SYTL3: variants seen among roughly 807,000 people sequenced by gnomAD.
The protein encoded by SYTL3 is synaptotagmin like 3.
SYTL3 carries 88 observed loss-of-function variants against 82.1 expected under a neutral mutation model. That is an observed-to-expected ratio of 1.07 (90% CI 0.90 to 1.28). The LOEUF is 1.28. Ranked by LOEUF, SYTL3 falls within the 50% of genes most tolerant of loss-of-function variation. The pLI is 0.00. For synonymous variants in SYTL3, 311 were observed against 289.4 expected (o/e 1.07, Z -0.76); for missense variants, 831 against 757.6 (o/e 1.10, Z -1.14).
chr6:158,708,253 G>A, intron 7 of SYTL3, 69 bp from the exon 8 acceptor site: 1 of 1,294,376 alleles, frequency 7.7e-7, no homozygotes, highest in Non-Finnish European at 1.1e-6. Context: ...GGCACATTTT[G>A]TGTATTTGTA....
intron 8 of SYTL3, among the ~76,000 whole-genome samples, chr6:158,709,192 G>A (rs576270386): frequency 1.4e-3 from 215 of 152,188 alleles, no homozygotes; most frequent in African/African-American, 4.6e-3. Flanking sequence ...AAGTGCCACT[G>A]CCCTCCAGCC....
chr6:158,654,726 G>C (rs1232824086), intron 2 of SYTL3, among the ~76,000 whole-genome samples: 1 of 152,190 alleles, frequency 6.6e-6, no homozygotes, highest in Non-Finnish European at 1.5e-5. Context: ...AGATGAAGCA[G>C]CTGGCCTGAG....
chr6:158,660,125 C>T (rs1053280792), intron 2 of SYTL3, among the ~76,000 whole-genome samples: 5 of 152,140 alleles, frequency 3.3e-5, no homozygotes, highest in South Asian at 4.2e-4. Context: ...ATTAGCCGGG[C>T]GTGGTGGCGG....
chr6:158,676,602 A>G (rs1778059208), intron 5 of SYTL3, among the ~76,000 whole-genome samples: 1 of 152,174 alleles, frequency 6.6e-6, no homozygotes, highest in South Asian at 2.1e-4. Context: ...AGAAACCACC[A>G]TCAGAGTGAA....
At chr6:158,692,610 TG>T (rs1418432020) in intron 6 of SYTL3, among the ~76,000 whole-genome samples, 8 of 151,948 alleles carry the variant, frequency 5.3e-5, no homozygotes, top group African/African-American at 1.9e-4. Context: ...ATTGGCTGTG[TG>T]GGCTTGAAAC....
At chr6:158,659,827 T>C (rs536449575) in intron 2 of SYTL3, among the ~76,000 whole-genome samples, 5 of 152,238 alleles carry the variant, frequency 3.3e-5, no homozygotes, top group Non-Finnish European at 7.3e-5. Context: ...CTTCCTGTTC[T>C]TAGTAGAATT....
rs1173478547 is a variant in SYTL3 at position 158,663,137 on chromosome 6, C to T, written c.-132C>T. ...AAAGAACCACAAGCAAAACAGTTGC[C>T]AGTGAAATAGGAGAGGGAGCTCTTT... On this transcript the variant is annotated 5_prime_UTR_variant, in exon 4 of 18. Transcript: ENST00000611299. The T allele has an allele frequency of 4.4e-6, 3 of 679,254 alleles. No homozygotes were observed. The highest frequency in any genetic ancestry group is 5.1e-6 in the Non-Finnish European group (2 of 394,854). The allele number at this position is 679,254 out of a possible 1,614,324, so 42.1% of individuals were successfully genotyped here.
intron 5 of SYTL3, among the ~76,000 whole-genome samples, chr6:158,680,140 C>G (rs1562368081): frequency 6.6e-6 from 1 of 152,166 alleles, no homozygotes; most frequent in Non-Finnish European, 1.5e-5. Context: ...TTTGCCAGGA[C>G]TGAAGAGGCA....
chr6:158,731,288 AAAAAC>A (rs1358653171), intron 11 of SYTL3, among the ~76,000 whole-genome samples: 2 of 152,036 alleles, frequency 1.3e-5, no homozygotes, highest in Non-Finnish European at 2.9e-5. Flanking sequence ...CATCTCAAAA[AAAAAC>A]AAAACAAAAA....
chr6:158,682,580 T>C (rs541457835), intron 5 of SYTL3, among the ~76,000 whole-genome samples: 13 of 151,668 alleles, frequency 8.6e-5, no homozygotes, highest in African/African-American at 4.8e-5. Flanking sequence ...AGGATGGTCT[T>C]GATCTCCTGA....
intron 6 of SYTL3, among the ~76,000 whole-genome samples, chr6:158,706,898 C>T (rs1277431540): frequency 1.3e-5 from 2 of 152,076 alleles, no homozygotes; most frequent in African/African-American, 4.8e-5. Flanking sequence ...AAATCTAATC[C>T]AATATCAACT....
chr6:158,702,393 G>A lies in SYTL3; in HGVS notation c.395-4837G>A, dbSNP rs560568238. On this transcript the variant is annotated intron_variant, in intron 6 of 17. Transcript: ENST00000611299. ...TAGTCTCACTAAGTTACCCAGGCTG[G>A]TCTCAAACTCCTGGCCTCAAGTGGT... Among the ~76,000 whole-genome samples, 6 of 149,970 alleles carry A rather than the reference G, an allele frequency of 4.0e-5. No homozygotes were observed. The South Asian group carries it at 6.4e-4, about 16-fold the overall frequency.
At position 158,683,244 on chromosome 6, in the gene SYTL3, C is replaced by T. The variant is rs111681658; in HGVS notation, c.394+255C>T. 0.08 allele frequency among the ~76,000 whole-genome samples: 8,812 copies of T among 110,606 alleles called. 351 individuals carry two copies. The highest frequency in any genetic ancestry group is 0.2 in the Middle Eastern group (29 of 146). 72.6% of individuals were successfully genotyped at this position (110,606 alleles called of 152,430 possible). A position where few individuals can be genotyped will look rare whatever the true frequency, so the allele number is the denominator to read the frequency against. ...TTTTTTTTTTTTTTTTTTTTTGAGG[C>T]GAAGTCTTGCTCTGTTGCCAGGCTG... On this transcript the variant is annotated intron_variant, in intron 6 of 17. Coordinates refer to ENST00000611299, the MANE Select transcript of SYTL3 (RefSeq NM_001242394.2).
chr6:158,763,753 G>A (rs1353216489), intron 17 of SYTL3, among the ~76,000 whole-genome samples: 2 of 152,160 alleles, frequency 1.3e-5, no homozygotes, highest in Non-Finnish European at 1.5e-5. Flanking sequence ...GCCTCCAAAC[G>A]GGCTAGGTAC....
In SYTL3 at chr6:158,760,625, G is replaced by A; in HGVS notation, c.1309-15G>A. On this transcript the variant is annotated splice_polypyrimidine_tract_variant and intron_variant, in intron 14 of 17. Transcript: ENST00000611299. Reference sequence around the variant, plus strand: ...TTGGGGAATCCTGTCCCTAAGCTCTGCCTCTTGTCCCCAGGCGGAGAAATA... The same window carrying A: ...TTGGGGAATCCTGTCCCTAAGCTCTACCTCTTGTCCCCAGGCGGAGAAATA... 6.2e-7 allele frequency: 1 copy of A among 1,610,800 alleles called. No homozygotes were observed. The highest frequency in any genetic ancestry group is 8.5e-7 in the Non-Finnish European group (1 of 1,177,108).
At chr6:158,663,647 T>G in intron 4 of SYTL3, 1 of 975,606 alleles carries the variant, frequency 1.0e-6, no homozygotes, top group Non-Finnish European at 1.2e-6. Context: ...GTCTGCCATC[T>G]GCTTGTCTGT....
intron 14 of SYTL3, among the ~76,000 whole-genome samples, chr6:158,759,818 A>C (rs1300493916): frequency 6.6e-6 from 1 of 152,180 alleles, no homozygotes; most frequent in African/African-American, 2.4e-5. Flanking sequence ...GGCATGAGTC[A>C]CCATGCTTGG....
chr6:158,691,852 C>T (rs1175723287), intron 6 of SYTL3, among the ~76,000 whole-genome samples: 1 of 150,556 alleles, frequency 6.6e-6, no homozygotes, highest in Admixed American at 6.6e-5. Flanking sequence ...GGGGTTTCAC[C>T]GTGTTAGCCA....
At chr6:158,758,093 T>C (rs1416229948) in intron 14 of SYTL3, among the ~76,000 whole-genome samples, 1 of 152,000 alleles carries the variant, frequency 6.6e-6, no homozygotes, top group Non-Finnish European at 1.5e-5. Flanking sequence ...GGGAGAGAGT[T>C]CATGTGAGAC....
Sources: gnomAD v4.1 joint callset for allele counts (sites outside exome capture counted in the v4.1 genomes callset) on GRCh38, gnomAD v4.1.1 for gene constraint, MANE v1.5 for transcripts, NCBI Gene and HGNC (gene_info 2026-07-23, HGNC 2026-07-21) for gene names.